CLCN4: variants seen among roughly 807,000 people sequenced by gnomAD.
CLCN4 encodes the protein Cl-/H+ antiporter 4, also known as H(+)/Cl(-) exchange transporter 4.
Under a neutral mutation model 41.7 loss-of-function variants are expected in CLCN4, and 1 was observed. That is an observed-to-expected ratio of 0.02 (90% CI 0.01 to 0.11). The LOEUF (loss-of-function observed/expected upper bound fraction) is 0.11. CLCN4 is among the 10% of genes least tolerant of loss of function. The probability of loss-of-function intolerance (pLI) is 1.00; values close to 1 mark genes in which losing one functional copy is unlikely to be tolerated. For synonymous variants in CLCN4, 277 were observed against 285.8 expected, an observed-to-expected ratio of 0.97 and a Z score of 0.31; for missense variants, 287 against 661.0, an observed-to-expected ratio of 0.43 and a Z score of 6.20.
At chrX:10,177,911 A>G (rs1322069502) in intron 2 of CLCN4, among the ~76,000 whole-genome samples, 1 of 112,053 alleles carries the variant, frequency 8.9e-6, no homozygotes, top group East Asian at 2.8e-4. Flanking sequence ...ACAAAATGTG[A>G]TACAGCCACA....
rs1925251282 is a variant in CLCN4, at chrX:10,236,353, T to A, written c.*2769T>A. Reference sequence around the variant, plus strand: ...GAGTTACTTGACTGAAACAACCCAATCTTACTTTCTTTCGTAAGTTGAACC... The same window carrying A: ...GAGTTACTTGACTGAAACAACCCAAACTTACTTTCTTTCGTAAGTTGAACC... On this transcript the variant is annotated 3_prime_UTR_variant, in exon 13 of 13. Transcript: ENST00000380833. The A allele has an allele frequency of 8.9e-6, 1 of 111,986 alleles. No individual in the cohort carries two copies. Among genetic ancestry groups the A allele is most frequent in the South Asian group, 3.7e-4 (1 of 2,692 alleles). 9.2% of individuals were successfully genotyped at this position (111,986 alleles called of 1,213,427 possible).
chrX:10,229,543 C>T (rs954082261), intron 12 of CLCN4, among the ~76,000 whole-genome samples: 6 of 108,835 alleles, frequency 5.5e-5, no homozygotes, highest in Non-Finnish European at 9.5e-5. Flanking sequence ...ATCCCTCCCC[C>T]GTCCCCCCAC....
At chrX:10,228,096 A>C (rs1925034467) in intron 12 of CLCN4, among the ~76,000 whole-genome samples, 1 of 110,555 alleles carries the variant, frequency 9.0e-6, no homozygotes, top group Admixed American at 9.7e-5. Flanking sequence ...CAAACATTCC[A>C]ATTCTTTTAG....
chrX:10,229,976 C>A (rs1182394091), intron 12 of CLCN4, among the ~76,000 whole-genome samples: 2 of 112,499 alleles, frequency 1.8e-5, no homozygotes, highest in African/African-American at 6.5e-5. Flanking sequence ...GGCATCCACC[C>A]CCTCAAGCAT....
chrX:10,236,669 A>G lies in CLCN4; in HGVS notation c.*3085A>G, dbSNP rs181690696. On this transcript the variant is annotated 3_prime_UTR_variant, in exon 13 of 13. Coordinates refer to ENST00000380833, the MANE Select transcript of CLCN4 (RefSeq NM_001830.4). ...GAACTTCCATCCACTTTATCTGGTG[A>G]TCTGATGAACAGCATGGGGACGTGG... 1.9e-4 allele frequency: 21 copies of G among 111,307 alleles called. No homozygotes were observed. The highest frequency in any genetic ancestry group is 1.7e-3 in the Admixed American group (18 of 10,485). The allele number at this position is 111,307 out of a possible 1,213,427, so 9.2% of individuals were successfully genotyped here.
intron 9 of CLCN4, among the ~76,000 whole-genome samples, chrX:10,211,107 A>C (rs143332696): frequency 9.4e-6 from 1 of 106,200 alleles, no homozygotes; most frequent in Non-Finnish European, 1.9e-5. Flanking sequence ...TTCTTCTAAA[A>C]ATACAAAAAT....
chrX:10,218,635 T>C (rs1924788266), intron 11 of CLCN4, among the ~76,000 whole-genome samples: 1 of 112,647 alleles, frequency 8.9e-6, no homozygotes, highest in Admixed American at 9.4e-5. Flanking sequence ...TGGTAGAGAA[T>C]TGCAAAGAGC....
At chrX:10,184,990 T>C (rs375862283) in intron 2 of CLCN4, 32 bp from the exon 3 acceptor site, 2 of 1,154,845 alleles carry the variant, frequency 1.7e-6, no homozygotes, top group East Asian at 3.0e-5. Flanking sequence ...CATGTCCTGC[T>C]CATGTCTTTA....
chrX:10,166,711 C>T (rs900250090), intron 2 of CLCN4, among the ~76,000 whole-genome samples: 1 of 112,344 alleles, frequency 8.9e-6, no homozygotes, highest in Non-Finnish European at 1.9e-5. Context: ...GCCAGGTACA[C>T]GGAGCCCTGT....
chrX:10,217,118 TGA>T (rs1399063636), intron 11 of CLCN4, among the ~76,000 whole-genome samples: 9 of 107,474 alleles, frequency 8.4e-5, no homozygotes, highest in Admixed American at 3.0e-4. Context: ...AAAAATTTTT[TGA>T]GACAGGGTCT....
intron 2 of CLCN4, among the ~76,000 whole-genome samples, chrX:10,166,361 C>T (rs180727653): frequency 1.2e-4 from 14 of 112,461 alleles, no homozygotes; most frequent in Middle Eastern, 4.6e-3. Context: ...GTCCGTGGTG[C>T]TTGGTTACGG....
intron 2 of CLCN4, among the ~76,000 whole-genome samples, chrX:10,166,262 C>T (rs778983504): frequency 8.9e-5 from 10 of 111,997 alleles, no homozygotes; most frequent in Admixed American, 8.5e-4. Context: ...CATGGTGAAA[C>T]GAAGGCATCA....
intron 9 of CLCN4, among the ~76,000 whole-genome samples, chrX:10,212,213 C>G (rs1924574933): frequency 1.8e-5 from 2 of 112,174 alleles, no homozygotes; most frequent in Admixed American, 1.9e-4. Flanking sequence ...AGCAGGCAAA[C>G]CCAGCCAGCT....
chrX:10,161,306 C>T (rs1483816270), intron 2 of CLCN4, among the ~76,000 whole-genome samples: 3 of 111,334 alleles, frequency 2.7e-5, no homozygotes, highest in Non-Finnish European at 5.7e-5. Context: ...CCACTCCCCA[C>T]GCCACTGTCC....
chrX:10,216,657 CT>C (rs1177440369), intron 11 of CLCN4, among the ~76,000 whole-genome samples: 2 of 108,328 alleles, frequency 1.8e-5, no homozygotes, highest in Non-Finnish European at 3.8e-5. Flanking sequence ...TTTGCCGTTA[CT>C]TTCAATGGCA....
intron 9 of CLCN4, among the ~76,000 whole-genome samples, chrX:10,209,642 C>T (rs1371665717): frequency 2.7e-5 from 3 of 111,562 alleles, no homozygotes; most frequent in Non-Finnish European, 5.6e-5. Context: ...GGATCATAGG[C>T]ATGAGCCACC....
intron 2 of CLCN4, among the ~76,000 whole-genome samples, chrX:10,163,269 C>G (rs1443850289): frequency 2.7e-5 from 3 of 112,640 alleles, no homozygotes; most frequent in East Asian, 5.6e-4. Context: ...GGGGACAGTC[C>G]CCCCTCCTAT....
In CLCN4 at chrX:10,237,506, T is replaced by C; in HGVS notation, c.*3922T>C. On this transcript the variant is annotated 3_prime_UTR_variant, in exon 13 of 13. Coordinates refer to ENST00000380833, the MANE Select transcript of CLCN4 (RefSeq NM_001830.4). ...GCCTACGTGCGACTTTGATGAGATA[T>C]ATTCACATTTGGTGTTGGAACGACC... 1.8e-5 allele frequency: 2 copies of C among 110,523 alleles called. 1 individual carries two copies. The highest frequency in any genetic ancestry group is 3.8e-5 in the Non-Finnish European group (2 of 52,923). 9.1% of individuals were successfully genotyped at this position (110,523 alleles called of 1,213,427 possible).
chrX:10,230,143 A>G (rs1330325452), intron 12 of CLCN4, among the ~76,000 whole-genome samples: 2 of 111,777 alleles, frequency 1.8e-5, no homozygotes, highest in East Asian at 5.6e-4. Context: ...AGCTCCTTAT[A>G]TATTCTGCTT....
Sources: allele counts gnomAD v4.1 joint callset (sites outside exome capture counted in the v4.1 genomes callset), GRCh38; gene constraint gnomAD v4.1.1; transcripts MANE v1.5; gene names NCBI Gene and HGNC (gene_info 2026-07-23, HGNC 2026-07-21).